Variants in PHF20 observed in about 807,000 individuals in gnomAD.
The protein encoded by PHF20 is PHD finger protein 20.
PHF20 carries 23 observed loss-of-function variants against 113.5 expected under a neutral mutation model. The observed-to-expected ratio is 0.20, with a 90% CI of 0.15 to 0.29. The LOEUF is 0.29. Ranked by LOEUF, PHF20 falls within the 10% of genes least tolerant of loss-of-function variation. PHF20 has a pLI of 1.00. For synonymous variants in PHF20, 434 were observed against 457.3 expected, an observed-to-expected ratio of 0.95 and a Z score of 0.65; for missense variants, 943 against 1,219.6, an observed-to-expected ratio of 0.77 and a Z score of 3.38.
rs2055668083 is a variant in PHF20, at chr20:35,927,652, A to G, written c.2005-128A>G. 3 of 722,586 alleles carry G rather than the reference A, an allele frequency of 4.2e-6. No homozygotes were observed. The South Asian group carries it at 4.6e-5, about 11-fold the overall frequency. 44.8% of individuals were successfully genotyped at this position (722,586 alleles called of 1,614,324 possible). ...GCAGCAGCTCAGTTCCACGTTAGTC[A>G]GGAGGGAGTGCTCCTTCCTCCCCTC... On this transcript the variant is annotated intron_variant, in intron 13 of 17. Coordinates refer to ENST00000374012, the MANE Select transcript of PHF20 (RefSeq NM_016436.5).
chr20:35,818,072 T>G (rs928302520), intron 2 of PHF20, among the ~76,000 whole-genome samples: 1 of 152,004 alleles, frequency 6.6e-6, no homozygotes, highest in African/African-American at 2.4e-5. Flanking sequence ...TTACTTGAGT[T>G]CAGGAGTTCG....
At chr20:35,852,605 T>C (rs2042753004) in intron 4 of PHF20, among the ~76,000 whole-genome samples, 1 of 151,766 alleles carries the variant, frequency 6.6e-6, no homozygotes, top group Admixed American at 6.6e-5. Context: ...AAGAAAACTT[T>C]TTTTTTTTTT....
chr20:35,898,067 G>T (rs907792886), intron 9 of PHF20, among the ~76,000 whole-genome samples: 2 of 151,752 alleles, frequency 1.3e-5, no homozygotes, highest in South Asian at 2.1e-4. Flanking sequence ...GTAGAGATGG[G>T]GTTTCACCAT....
intron 4 of PHF20, among the ~76,000 whole-genome samples, chr20:35,854,982 A>T (rs1026748149): frequency 6.6e-5 from 10 of 152,294 alleles, no homozygotes; most frequent in African/African-American, 2.2e-4. Flanking sequence ...TGACTTTTGG[A>T]TGTTGGAAAT....
intron 15 of PHF20, among the ~76,000 whole-genome samples, chr20:35,936,164 G>C (rs1240774570): frequency 6.6e-6 from 1 of 152,162 alleles, no homozygotes; most frequent in East Asian, 1.9e-4. Flanking sequence ...ACTATGGTTC[G>C]TGTGTTCCAT....
At chr20:35,865,469 T>C (rs1002287688) in intron 6 of PHF20, among the ~76,000 whole-genome samples, 9 of 150,320 alleles carry the variant, frequency 6.0e-5, no homozygotes, top group African/African-American at 2.2e-4. Context: ...TTAAATAAAA[T>C]AGTATTTAAA....
At chr20:35,943,352 T>A (rs2056023601) in intron 17 of PHF20, among the ~76,000 whole-genome samples, 1 of 151,658 alleles carries the variant, frequency 6.6e-6, no homozygotes, top group African/African-American at 2.4e-5. Context: ...ATAAAAAATT[T>A]AAAAAAATTT....
chr20:35,901,182 T>C (rs1288876047), intron 10 of PHF20, among the ~76,000 whole-genome samples: 2 of 151,794 alleles, frequency 1.3e-5, no homozygotes, highest in South Asian at 4.2e-4. Flanking sequence ...CCCAGCACTT[T>C]GGGAGGTGGA....
intron 10 of PHF20, among the ~76,000 whole-genome samples, chr20:35,902,882 G>C (rs547032120): frequency 2.0e-5 from 3 of 152,102 alleles, no homozygotes; most frequent in Admixed American, 6.5e-5. Flanking sequence ...CTTTATCTCA[G>C]TGAAAGCATT....
intron 9 of PHF20, among the ~76,000 whole-genome samples, chr20:35,884,456 C>CAG (rs2054690146): frequency 6.6e-6 from 1 of 152,106 alleles, no homozygotes; most frequent in Non-Finnish European, 1.5e-5. Flanking sequence ...AATGAGTGCT[C>CAG]AGTGATTTCT....
At position 35,898,652 on chromosome 20, in the gene PHF20, C is replaced by T. The variant is rs113001509; in HGVS notation, c.1283-718C>T. Among the ~76,000 whole-genome samples, 429 of 152,190 alleles carry T rather than the reference C, an allele frequency of 2.8e-3. 1 individual carries two copies. The highest frequency in any genetic ancestry group is 9.7e-3 in the African/African-American group (402 of 41,520). On this transcript the variant is annotated intron_variant, in intron 9 of 17. Transcript: ENST00000374012. ...TGAGTCAAAGTCTTGCTCTTGTCTC[C>T]CAGGCTGGAGTGCAATGGCATGATC...
intron 9 of PHF20, among the ~76,000 whole-genome samples, chr20:35,890,421 T>C (rs189526709): frequency 6.6e-6 from 1 of 152,338 alleles, no homozygotes; most frequent in East Asian, 1.9e-4. Context: ...CATTGTTTGA[T>C]TAATAAAGGA....
chr20:35,839,353 T>C (rs953425650), intron 2 of PHF20, among the ~76,000 whole-genome samples: 28 of 141,600 alleles, frequency 2.0e-4, no homozygotes, highest in African/African-American at 6.8e-4. Flanking sequence ...ATCGTGCCAC[T>C]GCACTCCATC....
At chr20:35,896,731 G>A (rs566608487) in intron 9 of PHF20, among the ~76,000 whole-genome samples, 1 of 147,356 alleles carries the variant, frequency 6.8e-6, no homozygotes, top group Non-Finnish European at 1.5e-5. Flanking sequence ...AACTGGGGAG[G>A]TGGAGGTTGC....
intron 5 of PHF20, among the ~76,000 whole-genome samples, chr20:35,860,772 G>A (rs2054205119): frequency 6.6e-6 from 1 of 152,082 alleles, no homozygotes; most frequent in Non-Finnish European, 1.5e-5. Context: ...TTTGTAGAAC[G>A]AGTTAATATA....
rs770344477 is a variant in PHF20 at position 35,947,525 on chromosome 20, C to T, written c.2937C>T (p.Pro979=). ...SWLDYTGELE[P]PEPLARLPQL... is the part of the protein sequence containing the mutation. Reference sequence around the variant, plus strand: ...TGGACTACACTGGGGAACTGGAGCCCCCTGAGCCGCTGGCCAGGCTTCCGC... The same window carrying T: ...TGGACTACACTGGGGAACTGGAGCCTCCTGAGCCGCTGGCCAGGCTTCCGC... The change falls in exon 18 of 18, where the codon CCC becomes CCT. Residue 979 remains proline (P), a synonymous_variant. Coordinates refer to ENST00000374012, the MANE Select transcript of PHF20 (RefSeq NM_016436.5). 65 of 1,614,104 alleles carry T rather than the reference C, an allele frequency of 4.0e-5. No homozygotes were observed. The Admixed American group carries it at 1.0e-3, about 25-fold the overall frequency.
chr20:35,875,274 T>G (rs1251575736), intron 9 of PHF20, among the ~76,000 whole-genome samples: 5 of 152,074 alleles, frequency 3.3e-5, no homozygotes, highest in Non-Finnish European at 7.4e-5. Flanking sequence ...GGCGCACGCC[T>G]GTAGTCCCAG....
intron 6 of PHF20, among the ~76,000 whole-genome samples, chr20:35,869,028 T>C (rs1275200659): frequency 2.0e-5 from 3 of 151,728 alleles, no homozygotes; most frequent in Non-Finnish European, 4.4e-5. Context: ...GAGGCGGAGG[T>C]TGCAGTGAGC....
At chr20:35,781,098 C>T (rs1038560550) in intron 1 of PHF20, among the ~76,000 whole-genome samples, 12 of 151,820 alleles carry the variant, frequency 7.9e-5, no homozygotes, top group African/African-American at 2.9e-4. Flanking sequence ...GGTGCTCCAC[C>T]CACCTCGGCC....
Sources: gnomAD v4.1 joint callset for allele counts (sites outside exome capture counted in the v4.1 genomes callset) on GRCh38, gnomAD v4.1.1 for gene constraint, MANE v1.5 for transcripts, NCBI Gene and HGNC (gene_info 2026-07-23, HGNC 2026-07-21) for gene names.